PIAS1: variants seen among roughly 807,000 people sequenced by gnomAD.
PIAS1 encodes protein inhibitor of activated STAT 1, also known as E3 SUMO-protein ligase PIAS1.
A neutral mutation model predicts 71.3 loss-of-function variants in PIAS1; 6 were observed. The observed-to-expected ratio is 0.08, with a 90% CI of 0.05 to 0.17. The LOEUF (loss-of-function observed/expected upper bound fraction) is 0.17. Ranked by LOEUF, PIAS1 falls within the 10% of genes least tolerant of loss-of-function variation. PIAS1 has a pLI of 1.00. For synonymous variants in PIAS1, 303 were observed against 292.9 expected, an observed-to-expected ratio of 1.03 and a Z score of -0.35; for missense variants, 555 against 793.6, an observed-to-expected ratio of 0.70 and a Z score of 3.61.
At chr15:68,172,114 C>T (rs2092995114) in intron 8 of PIAS1, among the ~76,000 whole-genome samples, 6 of 151,074 alleles carry the variant, frequency 4.0e-5, no homozygotes, top group Admixed American at 4.0e-4. Flanking sequence ...CGCCCTGTGT[C>T]CAAGTGTTCT....
At chr15:68,083,098 A>G (rs1381376228) in intron 1 of PIAS1, among the ~76,000 whole-genome samples, 1 of 149,832 alleles carries the variant, frequency 6.7e-6, no homozygotes, top group Non-Finnish European at 1.5e-5. Context: ...ATGATTTCTA[A>G]TAGTAGTAGT....
intron 1 of PIAS1, among the ~76,000 whole-genome samples, chr15:68,065,694 C>T (rs891133839): frequency 4.0e-5 from 6 of 149,686 alleles, no homozygotes; most frequent in East Asian, 1.9e-4. Context: ...TAATGCTAAA[C>T]GGTAGTAGCT....
In PIAS1 at chr15:68,086,817, T is replaced by G; in HGVS notation, c.469+67T>G. ...TGAATTTTCGTTTTAGGCTTTTACTTTGACCCAGTTTATTATTCATAATGA... is the reference window on the plus strand; with the variant it reads ...TGAATTTTCGTTTTAGGCTTTTACTGTGACCCAGTTTATTATTCATAATGA... On this transcript the variant is annotated intron_variant, in intron 2 of 13. Coordinates refer to ENST00000249636, the MANE Select transcript of PIAS1 (RefSeq NM_016166.3). The surrounding 1 kb of genome is among the most constrained non-coding windows in gnomAD (Gnocchi z 7.2). The G allele has an allele frequency of 1.2e-6, 1 of 852,322 alleles. No individual in the cohort carries two copies. Among genetic ancestry groups the G allele is most frequent in the Non-Finnish European group, 1.9e-6 (1 of 537,270 alleles). 52.8% of individuals were successfully genotyped at this position (852,322 alleles called of 1,614,324 possible).
chr15:68,085,010 A>G (rs193020181), intron 1 of PIAS1, among the ~76,000 whole-genome samples: 2 of 152,292 alleles, frequency 1.3e-5, no homozygotes, highest in East Asian at 3.9e-4. Flanking sequence ...TTGCTTATAA[A>G]GCTCTTTATA....
intron 13 of PIAS1, chr15:68,184,181 G>A (rs1376224530): frequency 6.6e-6 from 1 of 152,130 alleles, no homozygotes; most frequent in East Asian, 1.9e-4. Context: ...AATGTTGCCA[G>A]TAAGAGGCCA....
rs11349222 is a variant in PIAS1, at chr15:68,130,667, TA to T, written c.470-11262del. Among the ~76,000 whole-genome samples, 580 of 126,888 alleles carry T rather than the reference TA, an allele frequency of 4.6e-3. 2 individuals are homozygous for T. Among genetic ancestry groups the T allele is most frequent in the Admixed American group, 5.8e-3 (72 of 12,436 alleles). The allele number at this position is 126,888 out of a possible 152,430, so 83.2% of individuals were successfully genotyped here. A position where few individuals can be genotyped will look rare whatever the true frequency, so the allele number is the denominator to read the frequency against. On this transcript the variant is annotated intron_variant, in intron 2 of 13. Coordinates refer to ENST00000249636, the MANE Select transcript of PIAS1 (RefSeq NM_016166.3). ...AATACAAAGAAACAAAGGTAACACT[TA>T]AAAAAAAAAAAAAAAAGCTATCATT...
At chr15:68,144,182 GT>G (rs2092791987) in intron 4 of PIAS1, among the ~76,000 whole-genome samples, 2 of 150,478 alleles carry the variant, frequency 1.3e-5, no homozygotes, top group Admixed American at 1.3e-4. Flanking sequence ...GGTTCTTTGT[GT>G]TTTAATAAAA....
At chr15:68,147,717 T>C (rs1288409735) in intron 6 of PIAS1, among the ~76,000 whole-genome samples, 1 of 152,166 alleles carries the variant, frequency 6.6e-6, no homozygotes, top group African/African-American at 2.4e-5. Flanking sequence ...CCTTTAAATA[T>C]TTAGTTCATA....
chr15:68,172,442 GATTGCTGGGTCAAATGGT>G (rs2092997516), intron 8 of PIAS1, among the ~76,000 whole-genome samples: 2 of 152,148 alleles, frequency 1.3e-5, no homozygotes, highest in South Asian at 4.1e-4. Context: ...CCAGTAATGG[GATTGCTGGGTCAAATGGT>G]ATTTCTAGTT....
chr15:68,156,402 G>T (rs563885454), intron 7 of PIAS1, among the ~76,000 whole-genome samples: 5 of 152,170 alleles, frequency 3.3e-5, no homozygotes, highest in Admixed American at 2.0e-4. Context: ...AGTGCAGCTG[G>T]AATAGAGAGA....
intron 7 of PIAS1, among the ~76,000 whole-genome samples, chr15:68,156,645 G>A (rs2092891275): frequency 6.7e-6 from 1 of 149,556 alleles, no homozygotes. Flanking sequence ...GGAGGCAGAA[G>A]TTGCAGTGAG....
At chr15:68,148,147 G>A (rs1459337611) in intron 6 of PIAS1, among the ~76,000 whole-genome samples, 2 of 152,116 alleles carry the variant, frequency 1.3e-5, no homozygotes, top group Non-Finnish European at 2.9e-5. Context: ...GTATCAAAGG[G>A]CACTTTGAAC....
At chr15:68,068,384 A>G (rs1021978668) in intron 1 of PIAS1, among the ~76,000 whole-genome samples, 1 of 152,170 alleles carries the variant, frequency 6.6e-6, no homozygotes. Flanking sequence ...CATAGATTTC[A>G]GTAAGTACAT....
rs1567063051 is a variant in PIAS1, at chr15:68,146,534, ATAAGTATAAATAAATTACATTTCATT to A, written c.694-30_694-5del. The A allele has an allele frequency of 7.0e-6, 11 of 1,562,384 alleles. No individual in the cohort carries two copies. In the Middle Eastern group the frequency reaches 8.4e-4, roughly 119 times the overall value. On this transcript the variant is annotated splice_region_variant and splice_polypyrimidine_tract_variant and intron_variant, in intron 5 of 13. Coordinates refer to ENST00000249636, the MANE Select transcript of PIAS1 (RefSeq NM_016166.3). ...GGAAGTCAAAATGATTGTGGAAATA[ATAAGTATAAATAAATTACATTTCATT>A]TTTAGGGTTACCTTCCACCTACAAA...
At chr15:68,114,822 A>ATT (rs1346088181) in intron 2 of PIAS1, among the ~76,000 whole-genome samples, 2 of 152,038 alleles carry the variant, frequency 1.3e-5, no homozygotes, top group Non-Finnish European at 2.9e-5. Context: ...CTGTGGAACA[A>ATT]TATAAAAGAT....
At chr15:68,183,011 G>A (rs1195854579) in intron 12 of PIAS1, among the ~76,000 whole-genome samples, 1 of 152,170 alleles carries the variant, frequency 6.6e-6, no homozygotes. Context: ...ATCTAGAAAA[G>A]AATGTTAATT....
rs376391878 is a variant in PIAS1, at chr15:68,112,869, C to T, written c.469+26119C>T. 2.6e-4 allele frequency among the ~76,000 whole-genome samples: 40 copies of T among 152,254 alleles called. 1 individual carries two copies. The East Asian group carries it at 3.3e-3, about 12-fold the overall frequency. ...AAGAGTATGTCTCGGAAATAACACA[C>T]AAATGCATGATGCATCCACCCACAT... On this transcript the variant is annotated intron_variant, in intron 2 of 13. Transcript: ENST00000249636.
chr15:68,132,202 G>T (rs1490129787), intron 2 of PIAS1, among the ~76,000 whole-genome samples: 1 of 152,084 alleles, frequency 6.6e-6, no homozygotes, highest in Non-Finnish European at 1.5e-5. Flanking sequence ...GTGTTGGCCG[G>T]GCATGGTGGC....
intron 2 of PIAS1, among the ~76,000 whole-genome samples, chr15:68,119,925 C>T (rs901614542): frequency 1.3e-5 from 2 of 152,172 alleles, no homozygotes; most frequent in African/African-American, 4.8e-5. Context: ...ATTTTTTGTT[C>T]TGAAATCTAC....
Sources: allele counts gnomAD v4.1 joint callset (sites outside exome capture counted in the v4.1 genomes callset), GRCh38; gene constraint gnomAD v4.1.1; non-coding constraint Gnocchi (gnomAD v3.1); transcripts MANE v1.5; gene names NCBI Gene and HGNC (gene_info 2026-07-23, HGNC 2026-07-21).